Variants in DLGAP2 observed in about 807,000 individuals in gnomAD.
DLGAP2 encodes the protein disks large-associated protein 2.
DLGAP2 carries 26 observed loss-of-function variants against 100.3 expected under a neutral mutation model. The ratio of observed to expected loss-of-function variants is 0.26; its 90% CI spans 0.19 to 0.36. DLGAP2 has a LOEUF of 0.36. DLGAP2 is among the 10% of genes least tolerant of loss of function. The pLI is 1.00. For synonymous variants in DLGAP2, 886 were observed against 630.1 expected (o/e 1.41, Z -6.08); for missense variants, 1,858 against 1,453.2 (o/e 1.28, Z -4.53).
At chr8:1,033,914 A>G (rs1802052209) in intron 2 of DLGAP2, among the ~76,000 whole-genome samples, 1 of 94,008 alleles carries the variant, frequency 1.1e-5, no homozygotes, top group African/African-American at 4.2e-5. Context: ...TCACACCCTC[A>G]TCCCGACCCC....
intron 8 of DLGAP2, among the ~76,000 whole-genome samples, chr8:1,639,332 A>T (rs867087078): frequency 4.6e-5 from 7 of 152,200 alleles, no homozygotes; most frequent in Non-Finnish European, 8.8e-5. Context: ...GGGGAGTTCA[A>T]CACTGCCCCA....
rs191395727 is a variant in DLGAP2, at chr8:1,385,253, C to T, written c.107-116113C>T. Among the ~76,000 whole-genome samples the T allele has an allele frequency of 3.1e-3, 208 of 67,640 alleles. 43 individuals are homozygous for T. The highest frequency in any genetic ancestry group is 5.3e-3 in the Non-Finnish European group (160 of 29,920). 44.4% of individuals were successfully genotyped at this position (67,640 alleles called of 152,430 possible). On this transcript the variant is annotated intron_variant, in intron 3 of 14. Transcript: ENST00000637795. ...CCTGAGAACTTGGTGGACAGTTACC[C>T]GGCCTGTGCCCGTCCCCTGAGAACT...
At position 1,248,127 on chromosome 8, in the gene DLGAP2, G is replaced by A. The variant is rs560670659; in HGVS notation, c.74-10724G>A. On this transcript the variant is annotated intron_variant, in intron 2 of 14. Transcript: ENST00000637795. ...GTGTGGGAGTCTGATGGCCCACGTC[G>A]GTGGCTGGGAAGACATTTGAGATCA... is the stretch of plus-strand genomic sequence containing the variant. 3.6e-4 allele frequency among the ~76,000 whole-genome samples: 2 copies of A among 5,588 alleles called. 1 individual carries two copies. Among genetic ancestry groups the A allele is most frequent in the Admixed American group, 2.6e-3 (2 of 774 alleles). 3.7% of individuals were successfully genotyped at this position (5,588 alleles called of 152,430 possible).
chr8:1,299,657 A>G (rs1257807352), intron 3 of DLGAP2, among the ~76,000 whole-genome samples: 1 of 152,200 alleles, frequency 6.6e-6, no homozygotes, highest in Non-Finnish European at 1.5e-5. Flanking sequence ...AGAAGCAATA[A>G]TGCTATTCCC....
At chr8:842,679 A>T (rs960767527) in intron 1 of DLGAP2, among the ~76,000 whole-genome samples, 1 of 151,810 alleles carries the variant, frequency 6.6e-6, no homozygotes, top group African/African-American at 2.4e-5. Context: ...GATTCTTATT[A>T]TCTGTTCTTT....
At chr8:1,517,368 C>T (rs568437067) in intron 4 of DLGAP2, among the ~76,000 whole-genome samples, 22 of 152,136 alleles carry the variant, frequency 1.4e-4, no homozygotes, top group Admixed American at 1.4e-3. Context: ...GAGAGCACGC[C>T]ATGAGGGAGG....
chr8:1,133,273 A>G (rs1300412271), intron 2 of DLGAP2, among the ~76,000 whole-genome samples: 1 of 152,170 alleles, frequency 6.6e-6, no homozygotes, highest in Non-Finnish European at 1.5e-5. Context: ...GGGGGTTTGC[A>G]GGCTCCTGAA....
At chr8:1,452,238 G>A (rs1798182938) in intron 3 of DLGAP2, among the ~76,000 whole-genome samples, 1 of 151,082 alleles carries the variant, frequency 6.6e-6, no homozygotes, top group African/African-American at 2.5e-5. Context: ...TTCTGTGGCT[G>A]CGTGTTCTGT....
chr8:1,683,988 A>ATATATATATATAT (rs1799045669), intron 12 of DLGAP2, among the ~76,000 whole-genome samples: 4 of 52,000 alleles, frequency 7.7e-5, no homozygotes, highest in South Asian at 6.5e-4. Context: ...ATATATATAT[A>ATATATATATATAT]CTTTTTTTTT....
At chr8:1,185,511 G>A (rs1336569154) in intron 2 of DLGAP2, among the ~76,000 whole-genome samples, 1 of 152,096 alleles carries the variant, frequency 6.6e-6, no homozygotes, top group Non-Finnish European at 1.5e-5. Context: ...GGGGTTGTTT[G>A]ATCAAGCTCC....
At chr8:1,696,943 G>T (rs1290635354) in intron 13 of DLGAP2, among the ~76,000 whole-genome samples, 1 of 152,244 alleles carries the variant, frequency 6.6e-6, no homozygotes, top group Non-Finnish European at 1.5e-5. Context: ...GCTGTGCTAC[G>T]TGTTTTTAGG....
chr8:738,668 C>G (rs988794701), intron 1 of DLGAP2: 7 of 134,732 alleles, frequency 5.2e-5, no homozygotes, highest in African/African-American at 2.0e-4. Context: ...GCCTGCGCGC[C>G]CAGGTGGGGC....
At chr8:1,649,492 C>A (rs1231535852) in intron 8 of DLGAP2, among the ~76,000 whole-genome samples, 2 of 152,164 alleles carry the variant, frequency 1.3e-5, no homozygotes, top group Non-Finnish European at 2.9e-5. Context: ...CTGAATTAAT[C>A]TTTGAACCCT....
chr8:1,127,613 G>C (rs1232663158), intron 2 of DLGAP2, among the ~76,000 whole-genome samples: 1 of 152,214 alleles, frequency 6.6e-6, no homozygotes, highest in Non-Finnish European at 1.5e-5. Flanking sequence ...ACTGAGAGGA[G>C]GGGACAGCCT....
In DLGAP2 at chr8:1,702,831, C is replaced by G. The variant is rs1310399381; in HGVS notation, c.*1425C>G. The G allele has an allele frequency of 1.3e-5, 2 of 152,602 alleles. No individual in the cohort carries two copies. The highest frequency in any genetic ancestry group is 2.4e-5 in the African/African-American group (1 of 41,466). The allele number at this position is 152,602 out of a possible 1,614,324, so 9.5% of individuals were successfully genotyped here. On this transcript the variant is annotated 3_prime_UTR_variant, in exon 15 of 15. Coordinates refer to ENST00000637795, the MANE Select transcript of DLGAP2 (RefSeq NM_001346810.2). ...CAGTTTCAGAGTTCTCATTATTACT[C>G]AAAGTAAAAGCGGACTGCGATTTAA...
At chr8:988,064 G>T (rs1197799393) in intron 2 of DLGAP2, among the ~76,000 whole-genome samples, 1 of 152,066 alleles carries the variant, frequency 6.6e-6, no homozygotes, top group African/African-American at 2.4e-5. Context: ...CTGTCTAAAG[G>T]GGCCTAGCAT....
Position 782,023 on chromosome 8 carries a change from T to C in DLGAP2, c.18+44198T>C, listed in dbSNP as rs565446156. Among the ~76,000 whole-genome samples, 5 of 152,258 alleles carry C rather than the reference T, an allele frequency of 3.3e-5. 1 individual carries two copies. In the South Asian group the frequency reaches 8.3e-4, roughly 25 times the overall value. On this transcript the variant is annotated intron_variant, in intron 1 of 14. Coordinates refer to ENST00000637795, the MANE Select transcript of DLGAP2 (RefSeq NM_001346810.2). ...GTGTTCAATCAACCAGCAGGATGAC[T>C]ACCATTAACATTAATTGATTGTACA... is the stretch of plus-strand genomic sequence containing the variant.
chr8:1,141,971 A>G (rs1796529301), intron 2 of DLGAP2, among the ~76,000 whole-genome samples: 1 of 152,144 alleles, frequency 6.6e-6, no homozygotes, highest in African/African-American at 2.4e-5. Context: ...GCAAATAAGT[A>G]AGCTTATTTT....
At chr8:1,063,420 A>G (rs1371903048) in intron 2 of DLGAP2, among the ~76,000 whole-genome samples, 1 of 152,078 alleles carries the variant, frequency 6.6e-6, no homozygotes, top group East Asian at 1.9e-4. Context: ...GCAGTGGGGA[A>G]CTTTGTAACA....
Sources: allele counts gnomAD v4.1 joint callset (sites outside exome capture counted in the v4.1 genomes callset), GRCh38; gene constraint gnomAD v4.1.1; transcripts MANE v1.5; gene names NCBI Gene and HGNC (gene_info 2026-07-23, HGNC 2026-07-21).